TEAD3: variants seen among roughly 807,000 people sequenced by gnomAD.
The protein encoded by TEAD3 is transcriptional enhancer factor TEF-5.
In TEAD3, 15 loss-of-function variants were observed where a neutral mutation model predicts 55.6. That is an observed-to-expected ratio of 0.27 (90% CI 0.18 to 0.42). The LOEUF is 0.42. Among genes scored for constraint, TEAD3 ranks in the 10% least tolerant of loss-of-function variants. TEAD3 has a pLI of 1.00. For synonymous variants in TEAD3, 210 were observed against 232.2 expected (o/e 0.90, Z 0.87); for missense variants, 407 against 576.8 (o/e 0.71, Z 3.01).
At chr6:35,490,407 C>T (rs1324279722) in intron 1 of TEAD3, among the ~76,000 whole-genome samples, 2 of 152,132 alleles carry the variant, frequency 1.3e-5, no homozygotes, top group South Asian at 2.1e-4. Context: ...TCCCTCCCTT[C>T]GGCTGGCTCC....
Position 35,483,771 on chromosome 6 carries a change from C to A in TEAD3, c.267+789G>T, listed in dbSNP as rs543817165. On this transcript the variant is annotated intron_variant, in intron 3 of 12. Transcript: ENST00000639578. This position sits in a 1 kb window ranked among gnomAD's most constrained non-coding sequence, Gnocchi z 4.5. ...GCTGAGTGTCCCCTACCCCAGCAGT[C>A]CCCACCCTCCCTCCACCACATCAGG... Among the ~76,000 whole-genome samples, 12 of 151,120 alleles carry A rather than the reference C, an allele frequency of 7.9e-5. No homozygotes were observed. The highest frequency in any genetic ancestry group is 2.2e-4 in the African/African-American group (9 of 41,400).
chr6:35,477,259 C>A, intron 8 of TEAD3, 52 bp downstream of exon 8: 1 of 1,596,082 alleles, frequency 6.3e-7, no homozygotes, highest in Non-Finnish European at 8.6e-7. Flanking sequence ...CCCCAGCTCT[C>A]CTGAGTGGAG....
chr6:35,494,770 GCCTCTGAGCACC>G (rs1486261916), intron 1 of TEAD3, among the ~76,000 whole-genome samples: 2 of 152,082 alleles, frequency 1.3e-5, no homozygotes, highest in African/African-American at 4.8e-5. Flanking sequence ...CACCCAAGCG[GCCTCTGAGCACC>G]CTTTGTGCCA....
At chr6:35,479,736 C>T (rs751622764) in intron 4 of TEAD3, among the ~76,000 whole-genome samples, 3 of 152,240 alleles carry the variant, frequency 2.0e-5, no homozygotes, top group Non-Finnish European at 2.9e-5. Context: ...CTGCCATGCC[C>T]ACCTCAATAG....
At position 35,480,390 on chromosome 6, in the gene TEAD3, C is replaced by T. The variant is rs757271971; in HGVS notation, c.268-268G>A. 7.4e-6 allele frequency: 12 copies of T among 1,613,304 alleles called. No individual in the cohort carries two copies. Among genetic ancestry groups the T allele is most frequent in the African/African-American group, 5.3e-5 (4 of 74,938 alleles). On this transcript the variant is annotated intron_variant, in intron 3 of 12. Transcript: ENST00000639578. The stretch of plus-strand genomic sequence containing the variant: ...GGCTGGACACCTAGGGGCCGCCCCG[C>T]GCCCCGCCAGAGAGGAAAACATAGA...
At chr6:35,477,005 G>A (rs1324852701) in intron 8 of TEAD3, among the ~76,000 whole-genome samples, 1 of 152,074 alleles carries the variant, frequency 6.6e-6, no homozygotes, top group African/African-American at 2.4e-5. Context: ...GTATTTAGTA[G>A]AGACGGGGTT....
chr6:35,491,388 G>A lies in TEAD3; in HGVS notation c.-49-4677C>T, dbSNP rs1053836782. ...CAGAAACTCAGATATGATAGGCATC[G>A]AGGGAGGGGCAGACCAGGAGGGGAT... On this transcript the variant is annotated intron_variant, in intron 1 of 12. Transcript: ENST00000639578. The surrounding 1 kb of genome is among the most constrained non-coding windows in gnomAD (Gnocchi z 4.4). Among the ~76,000 whole-genome samples, 1 of 152,028 alleles carries A rather than the reference G, an allele frequency of 6.6e-6. No individual in the cohort carries two copies. The highest frequency in any genetic ancestry group is 1.5e-5 in the Non-Finnish European group (1 of 67,974).
At position 35,486,752 on chromosome 6, in the gene TEAD3, T is replaced by A; in HGVS notation, c.-49-41A>T. ...ACAGGAACTGGGACCAGGGTCCTCC[T>A]CGACCACAGCAATCTCCTATCCCAC... On this transcript the variant is annotated intron_variant, in intron 1 of 12. Coordinates refer to ENST00000639578, the Ensembl canonical transcript of TEAD3. The surrounding 1 kb of genome is among the most constrained non-coding windows in gnomAD (Gnocchi z 7.3). 7.1e-7 allele frequency: 1 copy of A among 1,409,130 alleles called. No individual in the cohort carries two copies. Among genetic ancestry groups the A allele is most frequent in the Non-Finnish European group, 9.8e-7 (1 of 1,025,388 alleles). 87.3% of individuals were successfully genotyped at this position (1,409,130 alleles called of 1,614,324 possible). A position where few individuals can be genotyped will look rare whatever the true frequency, so the allele number is the denominator to read the frequency against.
chr6:35,478,768 A>C (rs1768206044), intron 5 of TEAD3, among the ~76,000 whole-genome samples, 197 bp from the exon 6 acceptor site: 1 of 152,118 alleles, frequency 6.6e-6, no homozygotes, highest in South Asian at 2.1e-4. Context: ...TCAGTCCCCC[A>C]AGTGCCCATC....
intron 8 of TEAD3, 116 bp from the exon 9 acceptor site, chr6:35,476,551 CT>C (rs34933048): frequency 0.055 from 73,676 of 1,338,426 alleles, 4,742 homozygotes; most frequent in African/African-American, 0.26. Context: ...TGGATTTTGA[CT>C]CCCCTACTAT....
rs1768318796 is a variant in TEAD3, at chr6:35,484,148, T to G, written c.267+412A>C. Reference sequence around the variant, plus strand: ...TCTGGGTTGGCTGCTTGTCCCAGGGTGCCCTGCACCCACCCTCTCTCAGCC... The same window carrying G: ...TCTGGGTTGGCTGCTTGTCCCAGGGGGCCCTGCACCCACCCTCTCTCAGCC... On this transcript the variant is annotated intron_variant, in intron 3 of 12. Coordinates refer to ENST00000639578, the Ensembl canonical transcript of TEAD3. This position sits in a 1 kb window ranked among gnomAD's most constrained non-coding sequence, Gnocchi z 5.8. Among the ~76,000 whole-genome samples the G allele has an allele frequency of 6.6e-6, 1 of 152,064 alleles. No individual in the cohort carries two copies. The highest frequency in any genetic ancestry group is 1.5e-5 in the Non-Finnish European group (1 of 67,998).
chr6:35,479,764 C>A (rs1768229593), intron 4 of TEAD3, among the ~76,000 whole-genome samples: 1 of 152,362 alleles, frequency 6.6e-6, no homozygotes, highest in East Asian at 1.9e-4. Flanking sequence ...GGCCAGTAGC[C>A]CCGGGGCCTC....
intron 3 of TEAD3, among the ~76,000 whole-genome samples, chr6:35,480,696 C>T (rs367551734): frequency 2.6e-4 from 39 of 152,278 alleles, no homozygotes; most frequent in African/African-American, 9.4e-4. Context: ...GCCACAGTGG[C>T]TTCCAGGGCC....
chr6:35,473,656 G>A (rs868734076), downstream of TEAD3: 25 of 139,200 alleles, frequency 1.8e-4, no homozygotes, highest in African/African-American at 5.5e-4. Context: ...TTTTTGAGCA[G>A]GAGCTGGGCC....
chr6:35,495,228 G>C (rs371671513), intron 1 of TEAD3, among the ~76,000 whole-genome samples: 2 of 152,172 alleles, frequency 1.3e-5, no homozygotes, highest in African/African-American at 4.8e-5. Flanking sequence ...AAATCCTCCC[G>C]GTTTTAACAT....
chr6:35,486,476 C>G lies in TEAD3; in HGVS notation c.187G>C (p.Glu63Gln). The G allele has an allele frequency of 6.2e-7, 1 of 1,612,964 alleles. No individual in the cohort carries two copies. The highest frequency in any genetic ancestry group is 8.5e-7 in the Non-Finnish European group (1 of 1,179,526). The change falls in exon 2 of 13, where the codon GAG becomes CAG. Residue 63 changes from glutamate to glutamine, a missense_variant. By Grantham distance (29) the Glu-to-Gln change is conservative (BLOSUM62 2). Transcript: ENST00000639578. This position sits in a 1 kb window ranked among gnomAD's most constrained non-coding sequence, Gnocchi z 7.3. ...CGGCACGCACCGTACATCTTGCCCT[C>G]GTCTGACAGGATGATCTTCCGCCGG...
rs1768398212 is a variant in TEAD3 at position 35,486,993 on chromosome 6, T to C, written c.-49-282A>G. The stretch of plus-strand genomic sequence containing the variant: ...CCTTGAGGTTGTGAGGGTTAAAATG[T>C]AAATGAGCTCATGACAAAGTACCAA... On this transcript the variant is annotated intron_variant, in intron 1 of 12. Coordinates refer to ENST00000639578, the Ensembl canonical transcript of TEAD3. This position sits in a 1 kb window ranked among gnomAD's most constrained non-coding sequence, Gnocchi z 7.3. 6.6e-6 allele frequency among the ~76,000 whole-genome samples: 1 copy of C among 152,212 alleles called. No individual in the cohort carries two copies. The highest frequency in any genetic ancestry group is 2.1e-4 in the South Asian group (1 of 4,832).
intron 1 of TEAD3, among the ~76,000 whole-genome samples, chr6:35,487,510 T>G (rs1391775259): frequency 7.8e-6 from 1 of 128,268 alleles, no homozygotes; most frequent in Admixed American, 9.8e-5. Flanking sequence ...CGAGATCACG[T>G]CACTGCACTC....
chr6:35,484,502 C>A lies in TEAD3; in HGVS notation c.267+58G>T. On this transcript the variant is annotated intron_variant, in intron 3 of 12. Transcript: ENST00000639578. The surrounding 1 kb of genome is among the most constrained non-coding windows in gnomAD (Gnocchi z 5.8). Reference sequence around the variant, plus strand: ...GGGCAGGGTAGGGGCAAGGGGTTGACCGGGGCAGCTGAGACAGAGTGTGTG... The same window carrying A: ...GGGCAGGGTAGGGGCAAGGGGTTGAACGGGGCAGCTGAGACAGAGTGTGTG... 2 of 1,534,006 alleles carry A rather than the reference C, an allele frequency of 1.3e-6. No individual in the cohort carries two copies. The highest frequency in any genetic ancestry group is 2.4e-5 in the East Asian group (1 of 41,894).
Sources: gnomAD v4.1 joint callset for allele counts (sites outside exome capture counted in the v4.1 genomes callset) on GRCh38, gnomAD v4.1.1 for gene constraint, Gnocchi (gnomAD v3.1) non-coding constraint, MANE v1.5 for transcripts, NCBI Gene and HGNC (gene_info 2026-07-23, HGNC 2026-07-21) for gene names.